SIK3: variants seen among roughly 807,000 people sequenced by gnomAD.
SIK3 encodes serine/threonine-protein kinase SIK3.
In SIK3, 28 loss-of-function variants were observed where a neutral mutation model predicts 144.2. The ratio of observed to expected loss-of-function variants is 0.19; its 90% CI spans 0.14 to 0.27. The LOEUF (loss-of-function observed/expected upper bound fraction) is 0.27, where lower values mean the gene tolerates loss of function less well. Among genes scored for constraint, SIK3 ranks in the 10% least tolerant of loss-of-function variants. The pLI is 1.00. For missense variants in SIK3, 1,319 were observed against 1,776.0 expected, an observed-to-expected ratio of 0.74 and a Z score of 4.62; for synonymous variants, 686 against 676.3, an observed-to-expected ratio of 1.01 and a Z score of -0.22.
At chr11:116,900,640 C>T (rs595137) in intron 4 of SIK3, among the ~76,000 whole-genome samples, 143,169 of 152,234 alleles carry the variant, frequency 0.94, 67,525 homozygotes, top group South Asian at 0.98. Flanking sequence ...ATGCCTTCCA[C>T]ATGCTATTTC....
At chr11:117,046,616 C>G (rs1265828643) in intron 1 of SIK3, among the ~76,000 whole-genome samples, 6 of 152,148 alleles carry the variant, frequency 3.9e-5, no homozygotes, top group Non-Finnish European at 8.8e-5. Flanking sequence ...AAGTGGCTCA[C>G]GCCCATAATC....
intron 1 of SIK3, among the ~76,000 whole-genome samples, chr11:117,094,776 A>G (rs1470399915): frequency 6.7e-6 from 1 of 150,274 alleles, no homozygotes; most frequent in Admixed American, 6.6e-5. Context: ...TTTCCTACCA[A>G]AAAAAAAAAC....
chr11:116,915,153 T>TGTGTGTGTGTGTGC (rs1182331838), intron 4 of SIK3, among the ~76,000 whole-genome samples: 23 of 149,212 alleles, frequency 1.5e-4, no homozygotes, highest in African/African-American at 5.7e-4. Context: ...TGTGTGTGTG[T>TGTGTGTGTGTGTGC]GTGTGTGTAT....
chr11:116,860,379 C>T (rs868050997), intron 19 of SIK3, among the ~76,000 whole-genome samples: 2 of 152,118 alleles, frequency 1.3e-5, no homozygotes, highest in African/African-American at 4.8e-5. Flanking sequence ...TCTCAAGGAT[C>T]CTAGGGAGAC....
chr11:116,890,093 G>A (rs901123661), intron 6 of SIK3, among the ~76,000 whole-genome samples: 2 of 152,102 alleles, frequency 1.3e-5, no homozygotes, highest in South Asian at 2.1e-4. Context: ...CTCAGGCACC[G>A]TCCAAAGCCC....
At chr11:116,949,938 T>TGGG (rs1356804504) in intron 3 of SIK3, among the ~76,000 whole-genome samples, 4 of 152,104 alleles carry the variant, frequency 2.6e-5, no homozygotes. Flanking sequence ...GCTCTGGAGC[T>TGGG]GGGGTTGGGG....
chr11:116,987,167 C>A (rs1950351204), intron 1 of SIK3, among the ~76,000 whole-genome samples: 1 of 152,120 alleles, frequency 6.6e-6, no homozygotes, highest in Admixed American at 6.5e-5. Flanking sequence ...AGCTCAGTGA[C>A]ACTCCAATAT....
chr11:116,852,509 G>T (rs1164591095), intron 21 of SIK3, among the ~76,000 whole-genome samples: 2 of 152,246 alleles, frequency 1.3e-5, no homozygotes, highest in African/African-American at 4.8e-5. Flanking sequence ...TTCCTGAGGA[G>T]CAGGAGCTCG....
chr11:117,026,443 A>G (rs144079337), intron 1 of SIK3, among the ~76,000 whole-genome samples: 1 of 152,266 alleles, frequency 6.6e-6, no homozygotes, highest in East Asian at 1.9e-4. Context: ...TATATCATGA[A>G]TGGTTGTTAA....
intron 1 of SIK3, among the ~76,000 whole-genome samples, chr11:117,057,744 A>T (rs1953604319): frequency 6.6e-6 from 1 of 152,196 alleles, no homozygotes; most frequent in African/African-American, 2.4e-5. Flanking sequence ...TGGCTGTGTG[A>T]CTTTGGACAA....
chr11:116,969,923 T>C (rs950228220), intron 1 of SIK3, among the ~76,000 whole-genome samples: 3 of 152,178 alleles, frequency 2.0e-5, no homozygotes, highest in Non-Finnish European at 1.5e-5. Flanking sequence ...GTTTGTGACC[T>C]TGGGAAAATC....
chr11:116,943,535 G>A (rs1456408123), intron 3 of SIK3, among the ~76,000 whole-genome samples: 1 of 152,146 alleles, frequency 6.6e-6, no homozygotes, highest in Non-Finnish European at 1.5e-5. Flanking sequence ...TGGGCAGCTG[G>A]TATACTCCCT....
At chr11:116,946,817 T>TA (rs1948614272) in intron 3 of SIK3, among the ~76,000 whole-genome samples, 1 of 152,034 alleles carries the variant, frequency 6.6e-6, no homozygotes, top group Non-Finnish European at 1.5e-5. Flanking sequence ...GCCATTTTAT[T>TA]AATATTTCCC....
At position 116,965,732 on chromosome 11, in the gene SIK3, AAAATATATATATAT is replaced by A. The variant is rs1421555653; in HGVS notation, c.274-8682_274-8669del. On this transcript the variant is annotated intron_variant, in intron 1 of 24. Transcript: ENST00000445177. ...AACATGGTGAAAACCCGTCTCTGCTAAAATATATATATATATATATATATATATATATATATATA... is the reference window on the plus strand; with the variant it reads ...AACATGGTGAAAACCCGTCTCTGCTAATATATATATATATATATATATATA... Among the ~76,000 whole-genome samples the A allele has an allele frequency of 2.8e-4, 22 of 77,316 alleles. 1 individual carries two copies. The highest frequency in any genetic ancestry group is 9.8e-4 in the African/African-American group (17 of 17,340). 50.7% of individuals were successfully genotyped at this position (77,316 alleles called of 152,430 possible).
chr11:116,857,763 G>T (rs1347011943), intron 21 of SIK3, 47 bp downstream of exon 21: 3 of 1,595,826 alleles, frequency 1.9e-6, no homozygotes, highest in East Asian at 4.5e-5. Flanking sequence ...TGAGTCAGTT[G>T]ATTAGGGCAG....
chr11:116,983,212 GCGAGACT>G (rs1373773257), intron 1 of SIK3, among the ~76,000 whole-genome samples: 1 of 146,708 alleles, frequency 6.8e-6, no homozygotes, highest in Non-Finnish European at 1.5e-5. Flanking sequence ...GGGCGACAGA[GCGAGACT>G]CTGTCTCAAA....
intron 4 of SIK3, among the ~76,000 whole-genome samples, chr11:116,906,075 T>C (rs1185729968): frequency 6.6e-6 from 1 of 152,096 alleles, no homozygotes; most frequent in East Asian, 1.9e-4. Context: ...TTACAGGCAA[T>C]AAGGAGTTGC....
At chr11:116,940,420 G>A (rs1294360763) in intron 3 of SIK3, among the ~76,000 whole-genome samples, 3 of 151,820 alleles carry the variant, frequency 2.0e-5, no homozygotes, top group Non-Finnish European at 2.9e-5. Context: ...TAGTAAAGAC[G>A]GGGTTTCAAC....
chr11:116,987,198 C>T (rs1950352920), intron 1 of SIK3, among the ~76,000 whole-genome samples: 1 of 151,958 alleles, frequency 6.6e-6, no homozygotes, highest in Non-Finnish European at 1.5e-5. Context: ...CAACCTCTGC[C>T]CTAACTTCAT....
Sources: gnomAD v4.1 joint callset for allele counts (sites outside exome capture counted in the v4.1 genomes callset) on GRCh38, gnomAD v4.1.1 for gene constraint, MANE v1.5 for transcripts, NCBI Gene and HGNC (gene_info 2026-07-23, HGNC 2026-07-21) for gene names.